DCUN1D4: variants seen among roughly 807,000 people sequenced by gnomAD.
The protein encoded by DCUN1D4 is DCN1-like protein 4.
DCUN1D4 carries 22 observed loss-of-function variants against 47.9 expected under a neutral mutation model. The ratio of observed to expected loss-of-function variants is 0.46; its 90% CI spans 0.33 to 0.66. DCUN1D4 has a LOEUF of 0.66. Ranked by LOEUF, DCUN1D4 falls within the 30% of genes least tolerant of loss-of-function variation. The probability of loss-of-function intolerance (pLI) is 0.02; values close to 1 mark genes in which losing one functional copy is unlikely to be tolerated. For missense variants in DCUN1D4, 301 were observed against 340.8 expected (o/e 0.88, Z 0.92); for synonymous variants, 121 against 112.2 (o/e 1.08, Z -0.50).
chr4:51,834,077 TCTCTCTCTC>T, the DCUN1D4 span, among the ~76,000 whole-genome samples: 1 of 139,542 alleles, frequency 7.2e-6, no homozygotes. Flanking sequence ...TCTCTCTCTC[TCTCTCTCTC>T]TTTTCTTTTC....
At chr4:51,906,949 A>T (rs374176920) in intron 8 of DCUN1D4, among the ~76,000 whole-genome samples, 1 of 152,182 alleles carries the variant, frequency 6.6e-6, no homozygotes, top group African/African-American at 2.4e-5. Context: ...CTTATTTATA[A>T]ATTGGGGATT....
rs575340201 is a variant in DCUN1D4, at chr4:51,880,311, G to C, written c.343+2457G>C. ...CTAGATACCAGCACGAAGAGGGCTT[G>C]TAAATGAAATTGAGCCATGTTCATT... On this transcript the variant is annotated intron_variant, in intron 5 of 10. Transcript: ENST00000334635. Among the ~76,000 whole-genome samples, 91 of 152,332 alleles carry C rather than the reference G, an allele frequency of 6.0e-4. No individual in the cohort carries two copies. The South Asian group carries it at 7.3e-3, about 12-fold the overall frequency.
chr4:51,899,159 C>A, intron 7 of DCUN1D4, 111 bp from the exon 8 acceptor site: 1 of 1,395,932 alleles, frequency 7.2e-7, no homozygotes, highest in Non-Finnish European at 9.3e-7. Context: ...GGATGTGTTT[C>A]AACTTCAGGG....
chr4:51,876,134 C>T (rs915549143), intron 4 of DCUN1D4, among the ~76,000 whole-genome samples: 1 of 152,036 alleles, frequency 6.6e-6, no homozygotes, highest in African/African-American at 2.4e-5. Context: ...GTGTCTAGGT[C>T]ATGAATCAAT....
the DCUN1D4 span, among the ~76,000 whole-genome samples, chr4:51,834,096 C>CTTTT: frequency 2.3e-5 from 1 of 43,574 alleles, no homozygotes; most frequent in African/African-American, 2.1e-4. Flanking sequence ...CTTTTCTTTT[C>CTTTT]TTCTTTCTTT....
At chr4:51,909,565 C>T (rs546363247) in intron 8 of DCUN1D4, 1 of 153,862 alleles carries the variant, frequency 6.5e-6, no homozygotes, top group Admixed American at 6.4e-5. Context: ...CTCTAGATCA[C>T]CTCTTCTCCT....
At chr4:51,842,575 A>C (rs1174689149), upstream of DCUN1D4, among the ~76,000 whole-genome samples, 1 of 152,192 alleles carries the variant, frequency 6.6e-6, no homozygotes, top group African/African-American at 2.4e-5. Flanking sequence ...CTGCGGTAGG[A>C]AGCAGCTGAC....
At position 51,850,355 on chromosome 4, in the gene DCUN1D4, G is replaced by A. The variant is rs370142991; in HGVS notation, c.25+7088G>A. The stretch of plus-strand genomic sequence containing the variant: ...GGATGGCTTTTCTGGCTTCTCTGTG[G>A]CCTGTAGACATGCAGGGCTCGGGTT... On this transcript the variant is annotated intron_variant, in intron 1 of 10. Coordinates refer to ENST00000334635, the MANE Select transcript of DCUN1D4 (RefSeq NM_001040402.3). Among the ~76,000 whole-genome samples, 19 of 152,288 alleles carry A rather than the reference G, an allele frequency of 1.2e-4. 1 individual carries two copies. In the South Asian group the frequency reaches 1.9e-3, roughly 15 times the overall value.
chr4:51,843,058 C>G (rs1721844675), upstream of DCUN1D4: 50 of 1,385,824 alleles, frequency 3.6e-5, 1 homozygote, highest in South Asian at 7.7e-4. Flanking sequence ...CTCCTTTTGT[C>G]AAATGAGAGA....
intron 9 of DCUN1D4, among the ~76,000 whole-genome samples, chr4:51,912,151 A>G (rs888513782): frequency 6.6e-6 from 1 of 152,188 alleles, no homozygotes; most frequent in Non-Finnish European, 1.5e-5. Flanking sequence ...ATGTTGACAT[A>G]TGGTCTGTTC....
chr4:51,857,275 C>G (rs1724284086), intron 1 of DCUN1D4, among the ~76,000 whole-genome samples: 1 of 152,116 alleles, frequency 6.6e-6, no homozygotes, highest in East Asian at 1.9e-4. Context: ...CCAGTGTACT[C>G]AGAATCTCTC....
chr4:51,862,438 CTCTTTGGATCTGT>C (rs1725215412), intron 1 of DCUN1D4, among the ~76,000 whole-genome samples: 3 of 152,340 alleles, frequency 2.0e-5, no homozygotes, highest in South Asian at 2.1e-4. Context: ...GTAGCACCTG[CTCTTTGGATCTGT>C]TCTTTGGATC....
intron 1 of DCUN1D4, among the ~76,000 whole-genome samples, chr4:51,855,384 T>C (rs1184209210): frequency 1.6e-4 from 24 of 152,366 alleles, no homozygotes. Flanking sequence ...ATGTGAATTA[T>C]ATTTCAAAGC....
At chr4:51,869,626 C>T (rs1726559989) in intron 3 of DCUN1D4, among the ~76,000 whole-genome samples, 3 of 152,124 alleles carry the variant, frequency 2.0e-5, no homozygotes, top group Non-Finnish European at 2.9e-5. Flanking sequence ...GGAAGTGAAG[C>T]ACATACTTAG....
intron 1 of DCUN1D4, among the ~76,000 whole-genome samples, chr4:51,858,610 T>C (rs561324495): frequency 3.3e-5 from 5 of 152,362 alleles, no homozygotes; most frequent in African/African-American, 4.8e-5. Context: ...GTCTTCTCCA[T>C]TGAGTTTGAA....
intron 1 of DCUN1D4, 93 bp downstream of exon 1, chr4:51,843,360 C>T: frequency 1.4e-6 from 2 of 1,411,246 alleles, no homozygotes; most frequent in Non-Finnish European, 1.9e-6. Context: ...GCCTCGGGTC[C>T]CGAAACGCGC....
intron 1 of DCUN1D4, among the ~76,000 whole-genome samples, chr4:51,846,451 G>T (rs1722560970): frequency 6.6e-6 from 1 of 152,126 alleles, no homozygotes; most frequent in African/African-American, 2.4e-5. Flanking sequence ...ACTTAATCAT[G>T]TTTTTTCAAA....
chr4:51,872,832 G>A (rs926028985), intron 3 of DCUN1D4, among the ~76,000 whole-genome samples: 2 of 152,344 alleles, frequency 1.3e-5, no homozygotes, highest in East Asian at 1.9e-4. Flanking sequence ...CTGGTGAATA[G>A]TGTCCTGAGA....
At chr4:51,863,815 C>A (rs971157702) in intron 3 of DCUN1D4, 106 bp downstream of exon 3, 42 of 1,190,264 alleles carry the variant, frequency 3.5e-5, no homozygotes, top group Non-Finnish European at 4.5e-5. Flanking sequence ...ACTCCATTAA[C>A]AAATTGTTCC....
Sources: allele counts gnomAD v4.1 joint callset (sites outside exome capture counted in the v4.1 genomes callset), GRCh38; gene constraint gnomAD v4.1.1; transcripts MANE v1.5; gene names NCBI Gene and HGNC (gene_info 2026-07-23, HGNC 2026-07-21).